FHIP2B: variants seen among roughly 807,000 people sequenced by gnomAD.
The protein encoded by FHIP2B is FHF complex subunit HOOK interacting protein 2B.
FHIP2B carries 72 observed loss-of-function variants against 84.0 expected under a neutral mutation model. That is an observed-to-expected ratio of 0.86 (90% CI 0.71 to 1.04). The LOEUF is 1.04. FHIP2B is among the 50% of genes least tolerant of loss of function. The pLI is 0.00. For synonymous variants in FHIP2B, 497 were observed against 418.7 expected, an observed-to-expected ratio of 1.19 and a Z score of -2.28; for missense variants, 972 against 968.9, an observed-to-expected ratio of 1.00 and a Z score of -0.04.
intron 6 of FHIP2B, 42 bp downstream of exon 6, chr8:22,098,352 G>A: frequency 6.5e-7 from 1 of 1,534,978 alleles, no homozygotes; most frequent in Non-Finnish European, 8.8e-7. Context: ...TGGGGGAAGG[G>A]TGGGTTGACG....
rs561283756 is a variant in FHIP2B at position 22,097,830 on chromosome 8, C to T, written c.516C>T (p.Tyr172=). ...AGCAGGACCCAGAGCTGCTCGCCTA[C>T]ATCCTGGAAGTGAGCACTCTGATCG... ...KIQQDPELLA[Y]ILEGKKIVGR... is the part of the protein sequence containing the mutation. The change falls in exon 5 of 17, where the codon TAC becomes TAT. Residue 172 remains tyrosine, a synonymous_variant. Transcript: ENST00000289921. The T allele has an allele frequency of 8.1e-6, 13 of 1,613,260 alleles. No individual in the cohort carries two copies. The highest frequency in any genetic ancestry group is 5.0e-5 in the Admixed American group (3 of 60,014).
At chr8:22,090,028 C>T (rs775276784) in intron 1 of FHIP2B, among the ~76,000 whole-genome samples, 5 of 151,852 alleles carry the variant, frequency 3.3e-5, no homozygotes, top group African/African-American at 9.7e-5. Flanking sequence ...TGATGTTTCA[C>T]GTGCCGTCAG....
chr8:22,091,151 G>A (rs1563586564), intron 1 of FHIP2B, among the ~76,000 whole-genome samples: 1 of 151,150 alleles, frequency 6.6e-6, no homozygotes, highest in Non-Finnish European at 1.5e-5. Context: ...CACCAAGTGT[G>A]ATCCTAGTAA....
intron 1 of FHIP2B, among the ~76,000 whole-genome samples, chr8:22,091,159 TA>T (rs1011339084): frequency 2.6e-5 from 4 of 151,768 alleles, no homozygotes; most frequent in African/African-American, 9.7e-5. Context: ...GTGATCCTAG[TA>T]AGTCAACTGA....
rs748226906 is a variant in FHIP2B at position 22,104,131 on chromosome 8, C to G, written c.*1200C>G. 6.6e-6 allele frequency: 1 copy of G among 152,416 alleles called. No homozygotes were observed. The highest frequency in any genetic ancestry group is 2.4e-5 in the African/African-American group (1 of 41,452). 9.4% of individuals were successfully genotyped at this position (152,416 alleles called of 1,614,324 possible). A position where few individuals can be genotyped will look rare whatever the true frequency, so the allele number is the denominator to read the frequency against. ...GGAGGAAACTCAGTGACCTCTGCCT[C>G]TCCCACATTCCTCCCCGCGGGGGAG... On this transcript the variant is annotated 3_prime_UTR_variant, in exon 17 of 17. Transcript: ENST00000289921.
chr8:22,094,925 AG>A, intron 2 of FHIP2B: 1 of 1,072,210 alleles, frequency 9.3e-7, no homozygotes, highest in East Asian at 1.1e-4. Flanking sequence ...GAGCCAGCTT[AG>A]GGGCAATGTC....
chr8:22,101,526 G>A lies in FHIP2B; in HGVS notation c.1703G>A (p.Gly568Asp), dbSNP rs1279050755. Reference sequence around the variant, plus strand: ...GACACATACGTCCACGATGCTTATGGCCTGGTGAGTGGCTCCTGCTACCAG... The same window carrying A: ...GACACATACGTCCACGATGCTTATGACCTGGTGAGTGGCTCCTGCTACCAG... ...GYDTYVHDAYGLFQECSSRVA... is the reference protein window; with the variant it reads ...GYDTYVHDAYDLFQECSSRVA... Residue 568 changes from glycine to aspartate, a missense_variant, in exon 13 of 17, where the codon GGC becomes GAC. Gly to Asp is a moderately conservative substitution (Grantham distance 94, BLOSUM62 -1). Coordinates refer to ENST00000289921, the MANE Select transcript of FHIP2B (RefSeq NM_022749.7). The A allele has an allele frequency of 6.2e-7, 1 of 1,610,296 alleles. No homozygotes were observed. Among genetic ancestry groups the A allele is most frequent in the Non-Finnish European group, 8.5e-7 (1 of 1,177,378 alleles).
chr8:22,100,336 A>T, intron 10 of FHIP2B: 1 of 430,242 alleles, frequency 2.3e-6, no homozygotes, highest in Non-Finnish European at 4.0e-6. Context: ...TTTCTCAGAC[A>T]TGGAAAGTAA....
intron 1 of FHIP2B, among the ~76,000 whole-genome samples, chr8:22,092,977 A>C (rs1825572793): frequency 1.3e-5 from 2 of 152,184 alleles, no homozygotes. Flanking sequence ...AGTCATCCTC[A>C]TGTTGCTTGT....
intron 1 of FHIP2B, among the ~76,000 whole-genome samples, chr8:22,091,658 A>G (rs1056364578): frequency 6.6e-6 from 1 of 152,166 alleles, no homozygotes; most frequent in African/African-American, 2.4e-5. Context: ...CCAGCTCTCT[A>G]ATGGCCTGTG....
At chr8:22,098,379 G>C in intron 6 of FHIP2B, 44 bp from the exon 7 acceptor site, 1 of 1,549,170 alleles carries the variant, frequency 6.5e-7, no homozygotes, top group Non-Finnish European at 8.7e-7. Flanking sequence ...GGGTGATTTG[G>C]GGGCTCACAT....
Position 22,097,640 on chromosome 8 carries a change from A to C in FHIP2B, c.402+20A>C. On this transcript the variant is annotated intron_variant, in intron 4 of 16. Transcript: ENST00000289921. ...GTGCAGGTGAGGGGCCCGGAAGCCA[A>C]GGGGTGTCTGGGTGTGAGGCCCCCT... 1 of 1,604,434 alleles carries C rather than the reference A, an allele frequency of 6.2e-7. No individual in the cohort carries two copies. The highest frequency in any genetic ancestry group is 1.1e-5 in the South Asian group (1 of 89,368).
At chr8:22,097,052 A>AG in intron 3 of FHIP2B, 1 of 180,032 alleles carries the variant, frequency 5.6e-6, no homozygotes, top group Non-Finnish European at 1.2e-5. Context: ...TCTTAAAAAA[A>AG]GGAAAGAAAA....
chr8:22,096,201 A>C (rs1205016698), intron 2 of FHIP2B, 136 bp from the exon 3 acceptor site: 1 of 782,232 alleles, frequency 1.3e-6, no homozygotes, highest in African/African-American at 1.8e-5. Flanking sequence ...TCCATTTCCC[A>C]GTTGCCAGCA....
rs780038200 is a variant in FHIP2B, at chr8:22,100,864, A to G, written c.1508A>G (p.Tyr503Cys). ...EDTLDLEEDPYFTDSFLDSGF... is the reference protein window; with the variant it reads ...EDTLDLEEDPCFTDSFLDSGF... The stretch of plus-strand genomic sequence containing the variant: ...CACAGAGACCTGGAGGAAGACCCCT[A>G]CTTCACCGACAGCTTCCTGGATTCC... Residue 503 changes from tyrosine to cysteine, a missense_variant, in exon 12 of 17, where the codon TAC becomes TGC. By Grantham distance (194) the Tyr-to-Cys change is radical. Transcript: ENST00000289921. The G allele has an allele frequency of 2.8e-5, 45 of 1,613,626 alleles. No individual in the cohort carries two copies. The highest frequency in any genetic ancestry group is 4.0e-5 in the African/African-American group (3 of 74,870).
rs1826214570 is a variant in FHIP2B, at chr8:22,103,006, A to G, written c.*75A>G. ...CTGCCTCCTGCCTGGCACTGCCGCCACACTCCCCTCCTGGGATGGGGCTTC... is the reference window on the plus strand; with the variant it reads ...CTGCCTCCTGCCTGGCACTGCCGCCGCACTCCCCTCCTGGGATGGGGCTTC... On this transcript the variant is annotated 3_prime_UTR_variant, in exon 17 of 17. Coordinates refer to ENST00000289921, the MANE Select transcript of FHIP2B (RefSeq NM_022749.7). The G allele has an allele frequency of 6.6e-6, 10 of 1,525,250 alleles. No individual in the cohort carries two copies. The highest frequency in any genetic ancestry group is 8.8e-6 in the Non-Finnish European group (10 of 1,132,982). The allele number at this position is 1,525,250 out of a possible 1,614,324, so 94.5% of individuals were successfully genotyped here. A position where few individuals can be genotyped will look rare whatever the true frequency, so the allele number is the denominator to read the frequency against.
rs755965274 is a variant in FHIP2B, at chr8:22,098,259, G to A, written c.717G>A (p.Gly239=). 7.0e-6 allele frequency: 11 copies of A among 1,580,844 alleles called. No homozygotes were observed. Among genetic ancestry groups the A allele is most frequent in the Non-Finnish European group, 8.6e-6 (10 of 1,164,406 alleles). ...CTGAGACCGAGGAGCTGGACGGTGG[G>A]ACCACAGAGAGCAACCTGATTACCT... ...MPAETEELDG[G]TTESNLITSL... Residue 239 remains glycine (G), a synonymous_variant, in exon 6 of 17, where the codon GGG becomes GGA. Coordinates refer to ENST00000289921, the MANE Select transcript of FHIP2B (RefSeq NM_022749.7).
At chr8:22,091,559 G>A (rs4872276) in intron 1 of FHIP2B, among the ~76,000 whole-genome samples, 7 of 151,964 alleles carry the variant, frequency 4.6e-5, no homozygotes, top group Non-Finnish European at 8.8e-5. Context: ...TAATAATATC[G>A]TTAAAGAGAA....
Position 22,102,859 on chromosome 8 carries a change from C to T in FHIP2B, c.2160C>T (p.Ala720=). Residue 720 remains alanine, a synonymous_variant, in exon 17 of 17, where the codon GCC becomes GCT. Transcript: ENST00000289921. ...AGGAGTTCTGCAAGGAGCTGGCTGC[C>T]ATTGCCTTCGTCAAGTTTCCCCCAC... The part of the protein sequence containing the change: ...VLEEFCKELA[A]IAFVKFPPHD... 2 of 1,613,784 alleles carry T rather than the reference C, an allele frequency of 1.2e-6. No individual in the cohort carries two copies. Among genetic ancestry groups the T allele is most frequent in the Non-Finnish European group, 1.7e-6 (2 of 1,179,842 alleles).
Sources: gnomAD v4.1 joint callset for allele counts (sites outside exome capture counted in the v4.1 genomes callset) on GRCh38, gnomAD v4.1.1 for gene constraint, MANE v1.5 for transcripts, NCBI Gene and HGNC (gene_info 2026-07-23, HGNC 2026-07-21) for gene names.